The following GGA1 variants were observed in gnomAD, a reference collection of about 807,000 sequenced individuals.
GGA1 encodes golgi associated, gamma adaptin ear containing, ARF binding protein 1.
Under a neutral mutation model 76.9 loss-of-function variants are expected in GGA1, and 18 were observed. That is an observed-to-expected ratio of 0.23 (90% CI 0.16 to 0.35). GGA1 has a LOEUF of 0.35. GGA1 is among the 10% of genes least tolerant of loss of function. The pLI is 1.00. For missense variants in GGA1, 755 were observed against 859.0 expected (o/e 0.88, Z 1.51); for synonymous variants, 342 against 354.7 (o/e 0.96, Z 0.40).
rs761633669 is a variant in GGA1 at position 37,630,921 on chromosome 22, C to T, written c.1350C>T (p.Thr450=). The change falls in exon 14 of 17, where the codon ACC becomes ACT. Residue 450 remains threonine (T), a synonymous_variant. Coordinates refer to ENST00000343632, the MANE Select transcript of GGA1 (RefSeq NM_013365.5). ...GATTAAGGGAGAAGCAGCAGCCAAC[C>T]CCCCGGCTCACACTCCGGGACCTGC... ...QQVRWEKQQP[T]PRLTLRDLQN... The T allele has an allele frequency of 1.9e-6, 3 of 1,611,090 alleles. No individual in the cohort carries two copies. The highest frequency in any genetic ancestry group is 1.7e-5 in the Admixed American group (1 of 59,302).
intron 4 of GGA1, chr22:37,619,977 C>T: frequency 1.6e-6 from 1 of 628,304 alleles, no homozygotes; most frequent in Admixed American, 2.6e-5. Context: ...CAGGCCTGTC[C>T]CTCATGTCAG....
intron 12 of GGA1, 128 bp downstream of exon 12, chr22:37,629,654 C>T (rs1221471415): frequency 1.6e-5 from 10 of 627,640 alleles, no homozygotes; most frequent in Non-Finnish European, 2.1e-5. Context: ...GGGGGTGGCC[C>T]AGGGGCCTGG....
chr22:37,614,026 C>T, intron 1 of GGA1, 164 bp from the exon 2 acceptor site: 1 of 621,048 alleles, frequency 1.6e-6, no homozygotes, highest in South Asian at 1.7e-5. Context: ...TCTACACCCA[C>T]AATCAGGTCT....
chr22:37,631,355 T>C (rs1354439394), intron 14 of GGA1, among the ~76,000 whole-genome samples: 1 of 152,118 alleles, frequency 6.6e-6, no homozygotes, highest in African/African-American at 2.4e-5. Flanking sequence ...TCTGGGCCCC[T>C]TCCATCCCCA....
At chr22:37,609,688 A>G (rs1312630074) in intron 1 of GGA1, among the ~76,000 whole-genome samples, 2 of 151,664 alleles carry the variant, frequency 1.3e-5, no homozygotes, top group African/African-American at 4.8e-5. Flanking sequence ...GAGCTCCTTA[A>G]CCCACAGCCC....
At chr22:37,615,336 C>T (rs1928565515) in intron 2 of GGA1, among the ~76,000 whole-genome samples, 1 of 152,094 alleles carries the variant, frequency 6.6e-6, no homozygotes, top group East Asian at 1.9e-4. Flanking sequence ...GTAATCCCAG[C>T]TACTCGGGAG....
At chr22:37,614,953 T>C (rs1186820506) in intron 2 of GGA1, among the ~76,000 whole-genome samples, 1 of 152,068 alleles carries the variant, frequency 6.6e-6, no homozygotes, top group Non-Finnish European at 1.5e-5. Context: ...CCCTGCAGCC[T>C]GGGCAGCAGA....
At chr22:37,611,700 C>T (rs780905180) in intron 1 of GGA1, among the ~76,000 whole-genome samples, 2 of 152,210 alleles carry the variant, frequency 1.3e-5, no homozygotes, top group Non-Finnish European at 2.9e-5. Flanking sequence ...TCTGTTCTAC[C>T]TCCTGGGCTG....
intron 11 of GGA1, chr22:37,626,593 G>A (rs908657516): frequency 6.6e-6 from 1 of 152,298 alleles, no homozygotes; most frequent in Non-Finnish European, 1.5e-5. Context: ...CTGAAGGGAT[G>A]AAGAGCAGAT....
rs757005722 is a variant in GGA1 at position 37,623,494 on chromosome 22, C to T, written c.750+27C>T. 6.2e-7 allele frequency: 1 copy of T among 1,613,562 alleles called. No homozygotes were observed. Among genetic ancestry groups the T allele is most frequent in the Non-Finnish European group, 8.5e-7 (1 of 1,179,606 alleles). On this transcript the variant is annotated intron_variant, in intron 8 of 16. Transcript: ENST00000343632. The surrounding 1 kb of genome is among the most constrained non-coding windows in gnomAD (Gnocchi z 4.6). ...TGCACCTGCCTCCCTGCCTACCCCACTCCCTGCCCACTCCACAGCCCACGC... is the reference window on the plus strand; with the variant it reads ...TGCACCTGCCTCCCTGCCTACCCCATTCCCTGCCCACTCCACAGCCCACGC...
chr22:37,614,382 C>A, intron 2 of GGA1, 108 bp downstream of exon 2: 1 of 766,876 alleles, frequency 1.3e-6, no homozygotes, highest in Non-Finnish European at 2.3e-6. Context: ...TGAACGTATT[C>A]ACAAAGTGAT....
rs1305618744 is a variant in GGA1, at chr22:37,624,417, G to T, written c.833-552G>T. On this transcript the variant is annotated intron_variant, in intron 9 of 16. Transcript: ENST00000343632. The surrounding 1 kb of genome is among the most constrained non-coding windows in gnomAD (Gnocchi z 4.3). ...GTTCAAGACCAGCCTGGGTAACATA[G>T]AGAGACCCAGTCTCTATTTCAAATA... 6.7e-6 allele frequency: 1 copy of T among 148,784 alleles called. No individual in the cohort carries two copies. Among genetic ancestry groups the T allele is most frequent in the African/African-American group, 2.5e-5 (1 of 39,868 alleles). The allele number at this position is 148,784 out of a possible 1,614,324, so 9.2% of individuals were successfully genotyped here.
chr22:37,617,386 T>G (rs1304839222), intron 3 of GGA1: 2 of 1,096,234 alleles, frequency 1.8e-6, no homozygotes, highest in East Asian at 9.1e-5. Context: ...AGCTAAGGGG[T>G]GGTGCTTGGG....
chr22:37,623,884 G>A lies in GGA1; in HGVS notation c.832+251G>A, dbSNP rs1339091726. ...ACTACCCGCAGCTGCACAGGAGGCAGACCCATCCCCTTTTCACAACTGGGG... is the reference window on the plus strand; with the variant it reads ...ACTACCCGCAGCTGCACAGGAGGCAAACCCATCCCCTTTTCACAACTGGGG... On this transcript the variant is annotated intron_variant, in intron 9 of 16. Coordinates refer to ENST00000343632, the MANE Select transcript of GGA1 (RefSeq NM_013365.5). This position sits in a 1 kb window ranked among gnomAD's most constrained non-coding sequence, Gnocchi z 4.6. 1 of 486,812 alleles carries A rather than the reference G, an allele frequency of 2.1e-6. No homozygotes were observed. The highest frequency in any genetic ancestry group is 3.8e-6 in the Non-Finnish European group (1 of 265,508). 30.2% of individuals were successfully genotyped at this position (486,812 alleles called of 1,614,324 possible).
At chr22:37,618,604 G>C in intron 4 of GGA1, 58 bp downstream of exon 4, 4 of 1,073,098 alleles carry the variant, frequency 3.7e-6, no homozygotes, top group Middle Eastern at 2.0e-4. Flanking sequence ...AGAGGAAAGA[G>C]GACCTTCAGA....
intron 5 of GGA1, 35 bp from the exon 6 acceptor site, chr22:37,620,778 A>AC: frequency 7.7e-7 from 1 of 1,293,256 alleles, no homozygotes; most frequent in Non-Finnish European, 1.1e-6. Context: ...GGCCTGGGAC[A>AC]TATTGACAGC....
Position 37,630,079 on chromosome 22 carries a change from C to T in GGA1, c.1240C>T (p.Leu414=). 6.2e-7 allele frequency: 1 copy of T among 1,610,106 alleles called. No individual in the cohort carries two copies. ...MESRPPAQTS[L]PASSGLDDLD... is the part of the protein sequence containing the mutation. The stretch of plus-strand genomic sequence containing the variant: ...AAGCCGACCCCCAGCGCAGACATCC[C>T]TGCCAGCAAGCAGCGGTCTGGACGA... The change falls in exon 13 of 17, where the codon CTG becomes TTG. Residue 414 remains leucine, a synonymous_variant. Coordinates refer to ENST00000343632, the MANE Select transcript of GGA1 (RefSeq NM_013365.5).
In GGA1 at chr22:37,625,721, C is replaced by G. The variant is rs1210094607; in HGVS notation, c.941-76C>G. ...GTAAAGCATCGGGGGTTAGGTGTTG[C>G]TCCCCCGCAACCCCTGTGGACTCTG... On this transcript the variant is annotated intron_variant, in intron 10 of 16. Transcript: ENST00000343632. The surrounding 1 kb of genome is among the most constrained non-coding windows in gnomAD (Gnocchi z 4.1). The G allele has an allele frequency of 2.5e-6, 3 of 1,196,260 alleles. No homozygotes were observed. Among genetic ancestry groups the G allele is most frequent in the African/African-American group, 1.5e-5 (1 of 65,014 alleles). 74.1% of individuals were successfully genotyped at this position (1,196,260 alleles called of 1,614,324 possible). A position where few individuals can be genotyped will look rare whatever the true frequency, so the allele number is the denominator to read the frequency against.
In GGA1 at chr22:37,625,185, C is replaced by A; in HGVS notation, c.940+109C>A. ...GCGGCTGGAATGACTGCCAGGGTGA[C>A]CCTGGCCCCTTAAGATGGGGAAGGC... On this transcript the variant is annotated intron_variant, in intron 10 of 16. Coordinates refer to ENST00000343632, the MANE Select transcript of GGA1 (RefSeq NM_013365.5). This position sits in a 1 kb window ranked among gnomAD's most constrained non-coding sequence, Gnocchi z 4.1. 1 of 1,000,962 alleles carries A rather than the reference C, an allele frequency of 1.0e-6. No individual in the cohort carries two copies. Among genetic ancestry groups the A allele is most frequent in the Non-Finnish European group, 1.5e-6 (1 of 670,054 alleles). 62.0% of individuals were successfully genotyped at this position (1,000,962 alleles called of 1,614,324 possible).
Sources: gnomAD v4.1 joint callset for allele counts (sites outside exome capture counted in the v4.1 genomes callset) on GRCh38, gnomAD v4.1.1 for gene constraint, Gnocchi (gnomAD v3.1) non-coding constraint, MANE v1.5 for transcripts, NCBI Gene and HGNC (gene_info 2026-07-23, HGNC 2026-07-21) for gene names.